Variants in B3GALT1 observed in about 807,000 individuals in gnomAD.
B3GALT1 encodes beta-1,3-galactosyltransferase 1.
B3GALT1 carries 10 observed loss-of-function variants against 23.2 expected under a neutral mutation model. That is an observed-to-expected ratio of 0.43 (90% confidence interval 0.27 to 0.73). B3GALT1 has a LOEUF of 0.73. Among genes scored for constraint, B3GALT1 ranks in the 30% least tolerant of loss-of-function variants. B3GALT1 has a pLI of 0.21. For missense variants in B3GALT1, 299 were observed against 405.4 expected, an observed-to-expected ratio of 0.74 and a Z score of 2.25; for synonymous variants, 156 against 141.5, an observed-to-expected ratio of 1.10 and a Z score of -0.73.
rs146114112 is a variant in B3GALT1 at position 167,654,036 on chromosome 2, C to T, written c.-352+7070C>T. ...CAACCTGGCTACCTGAATGGACCAT[C>T]CTGAAGGGCAGTACAGTGGTGGTTA... On this transcript the variant is annotated intron_variant, in intron 3 of 4. Transcript: ENST00000392690. 5.1e-4 allele frequency among the ~76,000 whole-genome samples: 77 copies of T among 152,252 alleles called. No individual in the cohort carries two copies. In the East Asian group the frequency reaches 0.014, roughly 28 times the overall value.
At chr2:167,430,745 G>C (rs1698694180) in intron 1 of B3GALT1, among the ~76,000 whole-genome samples, 1 of 152,190 alleles carries the variant, frequency 6.6e-6, no homozygotes, top group Non-Finnish European at 1.5e-5. Context: ...GTAGGAGCCA[G>C]TTTTGGGGAA....
intron 2 of B3GALT1, among the ~76,000 whole-genome samples, chr2:167,643,139 C>T (rs940459364): frequency 1.1e-4 from 17 of 152,244 alleles, no homozygotes; most frequent in African/African-American, 3.4e-4. Flanking sequence ...AAGCTTTGTG[C>T]ACATACCATC....
At chr2:167,474,060 T>G (rs1699455591) in intron 1 of B3GALT1, among the ~76,000 whole-genome samples, 1 of 152,168 alleles carries the variant, frequency 6.6e-6, no homozygotes, top group African/African-American at 2.4e-5. Flanking sequence ...AAGCTGACTC[T>G]AAGAAAGTTA....
At chr2:167,494,066 A>G (rs1699745352) in intron 2 of B3GALT1, among the ~76,000 whole-genome samples, 1 of 152,170 alleles carries the variant, frequency 6.6e-6, no homozygotes, top group African/African-American at 2.4e-5. Context: ...TATGCCAACA[A>G]GATTGAGTAA....
At chr2:167,500,296 A>C (rs555173852) in intron 2 of B3GALT1, among the ~76,000 whole-genome samples, 9 of 152,196 alleles carry the variant, frequency 5.9e-5, no homozygotes, top group African/African-American at 2.2e-4. Context: ...ATTTATTTAG[A>C]AATTATTAAA....
Position 167,604,427 on chromosome 2 carries a change from C to T in B3GALT1, c.-409-42482C>T, listed in dbSNP as rs1684928210. Among the ~76,000 whole-genome samples, 7 of 152,138 alleles carry T rather than the reference C, an allele frequency of 4.6e-5. No individual in the cohort carries two copies. In the South Asian group the frequency reaches 1.5e-3, roughly 32 times the overall value. ...GCAGTTGTGTATTTTGATACTGTCA[C>T]CTCTGTAAGGAAATTTACATAGAAT... is the stretch of plus-strand genomic sequence containing the variant. On this transcript the variant is annotated intron_variant, in intron 2 of 4. Transcript: ENST00000392690.
chr2:167,523,311 G>T (rs1387528311), intron 2 of B3GALT1, among the ~76,000 whole-genome samples: 1 of 151,830 alleles, frequency 6.6e-6, no homozygotes, highest in Non-Finnish European at 1.5e-5. Flanking sequence ...TTACAAAATC[G>T]CAAATTACTA....
intron 2 of B3GALT1, among the ~76,000 whole-genome samples, chr2:167,609,711 T>C (rs1353987114): frequency 6.6e-6 from 1 of 152,248 alleles, no homozygotes; most frequent in East Asian, 1.9e-4. Flanking sequence ...ACACTGTTCT[T>C]GAGAGGGTCA....
chr2:167,542,649 T>C (rs140686798), intron 2 of B3GALT1, among the ~76,000 whole-genome samples: 1 of 152,182 alleles, frequency 6.6e-6, no homozygotes, highest in Non-Finnish European at 1.5e-5. Context: ...TTCTCAAAAA[T>C]TTTTGAGAAT....
chr2:167,827,607 T>C (rs1016977558), intron 4 of B3GALT1, among the ~76,000 whole-genome samples: 6 of 152,166 alleles, frequency 3.9e-5, no homozygotes, highest in African/African-American at 1.2e-4. Flanking sequence ...TCTCTGGCAG[T>C]CCCTGCTCAG....
intron 1 of B3GALT1, among the ~76,000 whole-genome samples, chr2:167,484,095 G>A (rs1393688500): frequency 2.0e-5 from 3 of 152,136 alleles, no homozygotes; most frequent in South Asian, 2.1e-4. Context: ...TAATAAGTTG[G>A]ATGACCTCTT....
intron 3 of B3GALT1, among the ~76,000 whole-genome samples, chr2:167,761,309 T>A (rs953898851): frequency 5.3e-5 from 8 of 152,192 alleles, no homozygotes; most frequent in African/African-American, 1.7e-4. Context: ...CAGTTGCCAT[T>A]ATCAGATCCT....
intron 1 of B3GALT1, among the ~76,000 whole-genome samples, chr2:167,454,438 C>T (rs1699137252): frequency 6.6e-6 from 1 of 152,094 alleles, no homozygotes; most frequent in African/African-American, 2.4e-5. Context: ...CCAACGTCAG[C>T]ATTGTAAAAA....
chr2:167,632,551 A>G (rs1307908021), intron 2 of B3GALT1, among the ~76,000 whole-genome samples: 1 of 151,928 alleles, frequency 6.6e-6, no homozygotes, highest in African/African-American at 2.4e-5. Flanking sequence ...ACCAGTGAGA[A>G]TAAGTTTTTT....
chr2:167,704,672 G>T (rs1405090742), intron 3 of B3GALT1, among the ~76,000 whole-genome samples: 1 of 152,164 alleles, frequency 6.6e-6, no homozygotes, highest in East Asian at 1.9e-4. Flanking sequence ...GAGATCAGTG[G>T]TACATTAGTT....
chr2:167,769,934 G>A (rs1449197106), intron 3 of B3GALT1, among the ~76,000 whole-genome samples: 2 of 152,186 alleles, frequency 1.3e-5, no homozygotes, highest in Admixed American at 6.5e-5. Context: ...GGGTCATATA[G>A]TAAGTGTATT....
intron 1 of B3GALT1, among the ~76,000 whole-genome samples, chr2:167,427,034 A>G (rs1217756103): frequency 1.3e-5 from 2 of 152,252 alleles, no homozygotes; most frequent in African/African-American, 2.4e-5. Context: ...AATGAAAGTT[A>G]AAGAACCATT....
At chr2:167,591,479 T>G (rs1393988284) in intron 2 of B3GALT1, among the ~76,000 whole-genome samples, 1 of 152,096 alleles carries the variant, frequency 6.6e-6, no homozygotes, top group Non-Finnish European at 1.5e-5. Context: ...TTTATTTATT[T>G]ATTTATTTTG....
intron 1 of B3GALT1, among the ~76,000 whole-genome samples, chr2:167,341,892 A>G (rs1697152363): frequency 6.6e-6 from 1 of 152,222 alleles, no homozygotes; most frequent in Non-Finnish European, 1.5e-5. Context: ...TCTGAGAAGC[A>G]TTCTGATAAT....
Sources: gnomAD v4.1 joint callset for allele counts (sites outside exome capture counted in the v4.1 genomes callset) on GRCh38, gnomAD v4.1.1 for gene constraint, MANE v1.5 for transcripts, NCBI Gene and HGNC (gene_info 2026-07-23, HGNC 2026-07-21) for gene names.